Variants in SLC24A2 observed in about 807,000 individuals in gnomAD.
The protein encoded by SLC24A2 is sodium/potassium/calcium exchanger 2.
A neutral mutation model predicts 62.0 loss-of-function variants in SLC24A2; 36 were observed. That is an observed-to-expected ratio of 0.58 (90% confidence interval 0.44 to 0.77). The LOEUF (loss-of-function observed/expected upper bound fraction) is 0.77. SLC24A2 is among the 30% of genes least tolerant of loss of function. The probability of loss-of-function intolerance (pLI) is 0.00; values close to 1 mark genes in which losing one functional copy is unlikely to be tolerated. For synonymous variants in SLC24A2, 358 were observed against 294.0 expected (o/e 1.22, Z -2.23); for missense variants, 846 against 817.9 (o/e 1.03, Z -0.42).
At chr9:19,905,936 A>G in the SLC24A2 span, among the ~76,000 whole-genome samples, 2 of 152,182 alleles carry the variant, frequency 1.3e-5, no homozygotes, top group African/African-American at 2.4e-5. Context: ...AAAGTTAACA[A>G]CGATATCCAG....
the SLC24A2 span, among the ~76,000 whole-genome samples, chr9:20,212,242 G>T: frequency 6.6e-6 from 1 of 151,598 alleles, no homozygotes; most frequent in Non-Finnish European, 1.5e-5. Flanking sequence ...CACAATAAGT[G>T]GTTCAATTTA....
chr9:20,262,326 C>A, the SLC24A2 span, among the ~76,000 whole-genome samples: 4 of 152,160 alleles, frequency 2.6e-5, no homozygotes, highest in Admixed American at 2.6e-4. Context: ...TTCCCAGCAG[C>A]CGAAGTTTCC....
At chr9:19,799,088 T>C in the SLC24A2 span, among the ~76,000 whole-genome samples, 121,594 of 152,046 alleles carry the variant, frequency 0.8, 50,105 homozygotes, top group Non-Finnish European at 0.92. Context: ...TTTATTCTAC[T>C]TCTTGCTGTT....
At chr9:20,054,528 C>G in the SLC24A2 span, among the ~76,000 whole-genome samples, 1 of 152,190 alleles carries the variant, frequency 6.6e-6, no homozygotes, top group South Asian at 2.1e-4. Flanking sequence ...GTGCACCCAT[C>G]GCCCAAGCAG....
intron 2 of SLC24A2, among the ~76,000 whole-genome samples, chr9:19,651,451 C>G (rs1227202720): frequency 6.6e-6 from 1 of 152,150 alleles, no homozygotes; most frequent in Non-Finnish European, 1.5e-5. Flanking sequence ...ACTTTGAACC[C>G]ATGTTCTTAA....
chr9:20,044,184 A>T, the SLC24A2 span, among the ~76,000 whole-genome samples: 2 of 152,154 alleles, frequency 1.3e-5, no homozygotes, highest in Non-Finnish European at 2.9e-5. Context: ...CTTTTTATAC[A>T]TAATGGTATT....
the SLC24A2 span, among the ~76,000 whole-genome samples, chr9:20,072,516 C>A: frequency 2.6e-5 from 4 of 151,826 alleles, no homozygotes; most frequent in Non-Finnish European, 4.4e-5. Flanking sequence ...GGTTATATAG[C>A]GATCTATATA....
At chr9:19,918,597 G>A in the SLC24A2 span, among the ~76,000 whole-genome samples, 4 of 152,100 alleles carry the variant, frequency 2.6e-5, no homozygotes, top group African/African-American at 9.7e-5. Flanking sequence ...TGCAGGCTGA[G>A]GTTGTCTGTC....
At chr9:20,032,906 C>T in the SLC24A2 span, among the ~76,000 whole-genome samples, 9 of 152,126 alleles carry the variant, frequency 5.9e-5, no homozygotes, top group East Asian at 1.7e-3. Context: ...AGCGGCTGAC[C>T]GAAAACTAGA....
At chr9:19,624,554 C>G (rs752815062) in intron 2 of SLC24A2, among the ~76,000 whole-genome samples, 2 of 152,150 alleles carry the variant, frequency 1.3e-5, no homozygotes, top group Non-Finnish European at 2.9e-5. Flanking sequence ...AGGAAAATGC[C>G]TGTACATAGA....
chr9:20,230,414 A>C, the SLC24A2 span, among the ~76,000 whole-genome samples: 20,613 of 152,104 alleles, frequency 0.14, 1,655 homozygotes, highest in African/African-American at 0.21. Context: ...TGACTTTTTA[A>C]TGATTGCCAT....
the SLC24A2 span, among the ~76,000 whole-genome samples, chr9:19,854,740 T>C: frequency 6.6e-6 from 1 of 152,202 alleles, no homozygotes; most frequent in Non-Finnish European, 1.5e-5. Context: ...GTAAGTGCCA[T>C]GTGGTGCTGA....
chr9:19,877,081 T>C, the SLC24A2 span, among the ~76,000 whole-genome samples: 1 of 151,940 alleles, frequency 6.6e-6, no homozygotes, highest in South Asian at 2.1e-4. Flanking sequence ...GGGACTCATG[T>C]CTGTGCAGAT....
chr9:19,962,578 C>T, the SLC24A2 span, among the ~76,000 whole-genome samples: 4 of 152,110 alleles, frequency 2.6e-5, no homozygotes, highest in South Asian at 2.1e-4. Flanking sequence ...AGGTCCTTCC[C>T]GTCCCTTGTA....
the SLC24A2 span, among the ~76,000 whole-genome samples, chr9:20,225,562 A>ATATATATATAT: frequency 1.4e-5 from 1 of 71,872 alleles, no homozygotes; most frequent in East Asian, 1.1e-3. Flanking sequence ...TATATATATT[A>ATATATATATAT]TATATATATA....
the SLC24A2 span, among the ~76,000 whole-genome samples, chr9:19,987,600 T>C: frequency 1.3e-5 from 2 of 152,212 alleles, no homozygotes; most frequent in African/African-American, 4.8e-5. Context: ...ATTTGGCTCC[T>C]TGGTCTCCTG....
intron 2 of SLC24A2, among the ~76,000 whole-genome samples, chr9:19,753,060 A>G (rs909627985): frequency 2.6e-5 from 4 of 152,210 alleles, no homozygotes; most frequent in Non-Finnish European, 4.4e-5. Flanking sequence ...CAGGAGTAAG[A>G]TTTAGACCTA....
chr9:19,769,732 G>T (rs1010773058), intron 2 of SLC24A2, among the ~76,000 whole-genome samples: 1 of 152,124 alleles, frequency 6.6e-6, no homozygotes, highest in Non-Finnish European at 1.5e-5. Context: ...CAGAGCCCAT[G>T]TTCCACACTC....
chr9:20,232,768 C>G, the SLC24A2 span, among the ~76,000 whole-genome samples: 7 of 152,108 alleles, frequency 4.6e-5, no homozygotes, highest in African/African-American at 1.7e-4. Flanking sequence ...TATTTCTTGC[C>G]TTCTGCTAGC....
Sources: gnomAD v4.1 joint callset for allele counts (sites outside exome capture counted in the v4.1 genomes callset) on GRCh38, gnomAD v4.1.1 for gene constraint, MANE v1.5 for transcripts, NCBI Gene and HGNC (gene_info 2026-07-23, HGNC 2026-07-21) for gene names.